COL25A1: variants seen among roughly 807,000 people sequenced by gnomAD.
COL25A1 encodes the protein collagen type XXV alpha 1 chain.
Under a neutral mutation model 128.4 loss-of-function variants are expected in COL25A1, and 103 were observed. That is an observed-to-expected ratio of 0.80 (90% CI 0.68 to 0.94). COL25A1 has a LOEUF of 0.94. COL25A1 is among the 40% of genes least tolerant of loss of function. The pLI is 0.00. For synonymous variants in COL25A1, 279 were observed against 277.2 expected, an observed-to-expected ratio of 1.01 and a Z score of -0.06; for missense variants, 745 against 840.0, an observed-to-expected ratio of 0.89 and a Z score of 1.40.
At chr4:109,235,935 C>A (rs1338504562) in intron 3 of COL25A1, among the ~76,000 whole-genome samples, 1 of 152,120 alleles carries the variant, frequency 6.6e-6, no homozygotes, top group Non-Finnish European at 1.5e-5. Flanking sequence ...TGGAATCTCC[C>A]TGTGACACAG....
At chr4:108,889,804 C>G in intron 16 of COL25A1, 71 bp from the exon 17 acceptor site, 3 of 1,346,168 alleles carry the variant, frequency 2.2e-6, no homozygotes, top group Non-Finnish European at 3.2e-6. Flanking sequence ...ACTCAGAGAG[C>G]CATCACCAAC....
At chr4:109,288,996 CACACACACATAT>C (rs1471235243) in intron 3 of COL25A1, among the ~76,000 whole-genome samples, 5 of 146,894 alleles carry the variant, frequency 3.4e-5, no homozygotes, top group Admixed American at 2.1e-4. Context: ...CACACACACA[CACACACACATAT>C]ATATACAAAA....
intron 3 of COL25A1, among the ~76,000 whole-genome samples, chr4:109,060,076 C>T (rs1397260317): frequency 6.6e-6 from 1 of 152,164 alleles, no homozygotes; most frequent in African/African-American, 2.4e-5. Context: ...ACTAACCTCT[C>T]AGAAACCCTT....
intron 3 of COL25A1, among the ~76,000 whole-genome samples, chr4:109,105,276 C>G (rs888046059): frequency 1.3e-5 from 2 of 152,134 alleles, no homozygotes; most frequent in Non-Finnish European, 2.9e-5. Flanking sequence ...GAGTTCGAGA[C>G]CAGCCTGGCC....
chr4:108,823,764 T>C, intron 35 of COL25A1: 1 of 360,332 alleles, frequency 2.8e-6, no homozygotes, highest in Non-Finnish European at 4.5e-6. Context: ...ATATCTCCAT[T>C]TCTCTACTGG....
intron 26 of COL25A1, among the ~76,000 whole-genome samples, chr4:108,849,268 T>G (rs565823576): frequency 6.6e-6 from 1 of 152,344 alleles, no homozygotes; most frequent in South Asian, 2.1e-4. Flanking sequence ...TCAACAATAT[T>G]TTAATTGGCA....
chr4:108,964,789 A>G (rs147752362), intron 8 of COL25A1, among the ~76,000 whole-genome samples: 24 of 152,350 alleles, frequency 1.6e-4, no homozygotes, highest in African/African-American at 5.0e-4. Flanking sequence ...AACACTCTAA[A>G]GAGAATTCTG....
chr4:108,877,512 A>T (rs1236448977), intron 19 of COL25A1, among the ~76,000 whole-genome samples: 4 of 152,216 alleles, frequency 2.6e-5, no homozygotes, highest in Admixed American at 2.0e-4. Context: ...GGTCCTATTC[A>T]TTCTATATAA....
At chr4:109,098,778 T>C (rs1323454542) in intron 3 of COL25A1, among the ~76,000 whole-genome samples, 3 of 152,220 alleles carry the variant, frequency 2.0e-5, no homozygotes, top group Non-Finnish European at 4.4e-5. Context: ...TTCCCCAATC[T>C]ACTTTAAGCA....
rs1303192083 is a variant in COL25A1, at chr4:109,189,873, G to A, written c.367+110710C>T. Among the ~76,000 whole-genome samples, 3 of 151,982 alleles carry A rather than the reference G, an allele frequency of 2.0e-5. No individual in the cohort carries two copies. The South Asian group carries it at 6.2e-4, about 31-fold the overall frequency. ...AATTGAAAGAGCTTTTTTACATTAA[G>A]TTTAACGACTTTTACTATTGGTGGG... On this transcript the variant is annotated intron_variant, in intron 3 of 37. Coordinates refer to ENST00000399132, the MANE Select transcript of COL25A1 (RefSeq NM_198721.4).
At chr4:109,085,152 T>G (rs892790268) in intron 3 of COL25A1, among the ~76,000 whole-genome samples, 2 of 152,154 alleles carry the variant, frequency 1.3e-5, no homozygotes, top group Non-Finnish European at 2.9e-5. Context: ...CTCTATCTAC[T>G]CTCTCATCCA....
intron 3 of COL25A1, among the ~76,000 whole-genome samples, chr4:109,187,481 T>G (rs1775244343): frequency 6.6e-6 from 1 of 152,176 alleles, no homozygotes; most frequent in African/African-American, 2.4e-5. Flanking sequence ...TCCTCATTTG[T>G]AAGATTGCCT....
At chr4:109,125,786 C>G (rs1268953060) in intron 3 of COL25A1, among the ~76,000 whole-genome samples, 7 of 152,008 alleles carry the variant, frequency 4.6e-5, no homozygotes, top group African/African-American at 1.7e-4. Context: ...ACTGGAAGCC[C>G]GAGGGAGCTG....
chr4:108,950,076 T>C (rs1749232211), intron 8 of COL25A1, among the ~76,000 whole-genome samples: 1 of 152,168 alleles, frequency 6.6e-6, no homozygotes, highest in Non-Finnish European at 1.5e-5. Flanking sequence ...TTATCCACGC[T>C]CTTTTCCTCT....
chr4:109,011,916 AC>A (rs766527153), intron 5 of COL25A1, among the ~76,000 whole-genome samples: 1 of 152,234 alleles, frequency 6.6e-6, no homozygotes, highest in Non-Finnish European at 1.5e-5. Flanking sequence ...TGCAACTGAT[AC>A]GTATACAGAA....
intron 3 of COL25A1, among the ~76,000 whole-genome samples, chr4:109,163,549 T>TC (rs1409469969): frequency 2.0e-5 from 3 of 152,010 alleles, no homozygotes; most frequent in Non-Finnish European, 2.9e-5. Context: ...ATCAACCATT[T>TC]CCCCCCAGCA....
intron 8 of COL25A1, among the ~76,000 whole-genome samples, chr4:108,966,922 GA>G (rs1167059108): frequency 1.2e-4 from 14 of 119,352 alleles, no homozygotes; most frequent in South Asian, 6.5e-4. Flanking sequence ...AGGAAAGAGA[GA>G]AAAAGAGAGA....
chr4:108,821,240 A>G (rs945423463), intron 35 of COL25A1, among the ~76,000 whole-genome samples: 8 of 152,216 alleles, frequency 5.3e-5, no homozygotes, highest in Non-Finnish European at 8.8e-5. Flanking sequence ...AGAATCAAAA[A>G]CACTTGGATT....
At chr4:108,985,443 TG>T (rs909978045) in intron 6 of COL25A1, among the ~76,000 whole-genome samples, 1 of 152,184 alleles carries the variant, frequency 6.6e-6, no homozygotes, top group African/African-American at 2.4e-5. Flanking sequence ...CTAAGTAGAT[TG>T]GGCATAGAAA....
Sources: gnomAD v4.1 joint callset for allele counts (sites outside exome capture counted in the v4.1 genomes callset) on GRCh38, gnomAD v4.1.1 for gene constraint, MANE v1.5 for transcripts, NCBI Gene and HGNC (gene_info 2026-07-23, HGNC 2026-07-21) for gene names.